The following ENTPD7 variants were observed in gnomAD, a reference collection of about 807,000 sequenced individuals.
ENTPD7 encodes NTPDase 7.
Under a neutral mutation model 77.9 loss-of-function variants are expected in ENTPD7, and 53 were observed. The ratio of observed to expected loss-of-function variants is 0.68; its 90% CI spans 0.55 to 0.85. The LOEUF (loss-of-function observed/expected upper bound fraction) is 0.85, where lower values mean the gene tolerates loss of function less well. Among genes scored for constraint, ENTPD7 ranks in the 40% least tolerant of loss-of-function variants. ENTPD7 has a pLI of 0.00. For missense variants in ENTPD7, 636 were observed against 743.7 expected (o/e 0.86, Z 1.68); for synonymous variants, 248 against 274.9 (o/e 0.90, Z 0.97).
chr10:99,702,117 C>T (rs774790006), intron 11 of ENTPD7, among the ~76,000 whole-genome samples: 1 of 152,254 alleles, frequency 6.6e-6, no homozygotes, highest in South Asian at 2.1e-4. Flanking sequence ...GTGTACCTGT[C>T]ACCCTGCTTT....
Position 99,659,540 on chromosome 10 carries a change from C to G in ENTPD7, c.-144C>G, listed in dbSNP as rs997399684. 8 of 159,316 alleles carry G rather than the reference C, an allele frequency of 5.0e-5. No homozygotes were observed. The highest frequency in any genetic ancestry group is 1.9e-4 in the African/African-American group (8 of 41,670). 9.9% of individuals were successfully genotyped at this position (159,316 alleles called of 1,614,324 possible). ...GGGCAAGGGGCCGCGGGGAGCAGCT[C>G]GGGACTGAACCGAGAGGTGCCGAAG... On this transcript the variant is annotated 5_prime_UTR_variant, in exon 1 of 13. Transcript: ENST00000370489. This position sits in a 1 kb window ranked among gnomAD's most constrained non-coding sequence, Gnocchi z 4.1.
chr10:99,710,349 A>G lies in ENTPD7; in HGVS notation c.*5666A>G. On this transcript the variant is annotated 3_prime_UTR_variant, in exon 13 of 13. Transcript: ENST00000370489. Reference sequence around the variant, plus strand: ...AATTCTCATTCCACAATTACCCTTTAGTTGAAGTCCTGAAGTACATGCCAT... The same window carrying G: ...AATTCTCATTCCACAATTACCCTTTGGTTGAAGTCCTGAAGTACATGCCAT... 1 of 985,402 alleles carries G rather than the reference A, an allele frequency of 1.0e-6. No homozygotes were observed. Among genetic ancestry groups the G allele is most frequent in the Non-Finnish European group, 1.2e-6 (1 of 829,926 alleles). The allele number at this position is 985,402 out of a possible 1,614,324, so 61.0% of individuals were successfully genotyped here. A position where few individuals can be genotyped will look rare whatever the true frequency, so the allele number is the denominator to read the frequency against.
intron 3 of ENTPD7, among the ~76,000 whole-genome samples, chr10:99,678,484 A>G (rs527409223): frequency 6.6e-6 from 1 of 151,084 alleles, no homozygotes; most frequent in East Asian, 1.9e-4. Context: ...AGAAAAAAGA[A>G]AAAAAAAGAT....
chr10:99,680,856 C>T (rs984181037), intron 5 of ENTPD7, among the ~76,000 whole-genome samples: 4 of 152,178 alleles, frequency 2.6e-5, no homozygotes, highest in African/African-American at 7.2e-5. Flanking sequence ...GGATTTCAAG[C>T]GTCAGCTACC....
chr10:99,699,797 C>T lies in ENTPD7; in HGVS notation c.1335+939C>T, dbSNP rs12261365. On this transcript the variant is annotated intron_variant, in intron 10 of 12. Transcript: ENST00000370489. ...GCCAGGCTGGTTTGGAACTCCTGGC[C>T]TCAGGTGATCTGCCCGCCTTGGCCC... is the stretch of plus-strand genomic sequence containing the variant. Among the ~76,000 whole-genome samples, 966 of 152,238 alleles carry T rather than the reference C, an allele frequency of 6.3e-3. 10 individuals carry two copies. Among genetic ancestry groups the T allele is most frequent in the African/African-American group, 0.022 (894 of 41,526 alleles).
intron 6 of ENTPD7, among the ~76,000 whole-genome samples, chr10:99,686,111 T>A (rs1294018568): frequency 6.6e-6 from 1 of 152,202 alleles, no homozygotes; most frequent in Non-Finnish European, 1.5e-5. Flanking sequence ...ATATCTCTTT[T>A]TAACTTAGTA....
chr10:99,678,818 GA>G (rs1368493239), intron 3 of ENTPD7, among the ~76,000 whole-genome samples: 1 of 147,094 alleles, frequency 6.8e-6, no homozygotes, highest in Non-Finnish European at 1.5e-5. Context: ...CATTAAATGA[GA>G]AATCATTCCA....
In ENTPD7 at chr10:99,679,895, A is replaced by G. The variant is rs369220181; in HGVS notation, c.548+20A>G. 2.5e-6 allele frequency: 4 copies of G among 1,596,444 alleles called. No individual in the cohort carries two copies. Among genetic ancestry groups the G allele is most frequent in the Non-Finnish European group, 3.4e-6 (4 of 1,173,672 alleles). On this transcript the variant is annotated intron_variant, in intron 5 of 12. Coordinates refer to ENST00000370489, the MANE Select transcript of ENTPD7 (RefSeq NM_020354.5). ...TGAGAGGTGAGATGCAGGGTACAGG[A>G]AACACAGGAAAACGGTGGCACAAGA...
rs1029712128 is a variant in ENTPD7, at chr10:99,706,376, C to G, written c.*1693C>G. 2.0e-5 allele frequency: 3 copies of G among 151,984 alleles called. No homozygotes were observed. Among genetic ancestry groups the G allele is most frequent in the Admixed American group, 2.0e-4 (3 of 15,236 alleles). The allele number at this position is 151,984 out of a possible 1,614,324, so 9.4% of individuals were successfully genotyped here. ...GGAGACAGGGCCTCACGCTGTCACCCAGGCTGGAGTGCAGTTGTGCAACAT... is the reference window on the plus strand; with the variant it reads ...GGAGACAGGGCCTCACGCTGTCACCGAGGCTGGAGTGCAGTTGTGCAACAT... On this transcript the variant is annotated 3_prime_UTR_variant, in exon 13 of 13. Coordinates refer to ENST00000370489, the MANE Select transcript of ENTPD7 (RefSeq NM_020354.5).
In ENTPD7 at chr10:99,696,801, C is replaced by T. The variant is rs180927967; in HGVS notation, c.1010+679C>T. On this transcript the variant is annotated intron_variant, in intron 9 of 12. Coordinates refer to ENST00000370489, the MANE Select transcript of ENTPD7 (RefSeq NM_020354.5). ...AAGAGAAAGCAGAGTTCTTTTCCAT[C>T]ATTAAATTTACACAAAATTTTGGAA... Among the ~76,000 whole-genome samples the T allele has an allele frequency of 3.1e-3, 465 of 152,268 alleles. 6 individuals are homozygous for T. Among genetic ancestry groups the T allele is most frequent in the Non-Finnish European group, 4.9e-4 (33 of 68,024 alleles).
chr10:99,702,801 C>G (rs564400345), intron 12 of ENTPD7, 128 bp downstream of exon 12: 2 of 810,716 alleles, frequency 2.5e-6, no homozygotes, highest in Middle Eastern at 3.9e-4. Flanking sequence ...CTCTCTACCC[C>G]CTCACAAAAA....
At position 99,706,365 on chromosome 10, in the gene ENTPD7, A is replaced by T. The variant is rs963843691; in HGVS notation, c.*1682A>T. ...TTTTTTTTCTTGGAGACAGGGCCTC[A>T]CGCTGTCACCCAGGCTGGAGTGCAG... is the stretch of plus-strand genomic sequence containing the variant. On this transcript the variant is annotated 3_prime_UTR_variant, in exon 13 of 13. Transcript: ENST00000370489. 6.6e-6 allele frequency: 1 copy of T among 151,334 alleles called. No individual in the cohort carries two copies. Among genetic ancestry groups the T allele is most frequent in the Non-Finnish European group, 1.5e-5 (1 of 67,894 alleles). The allele number at this position is 151,334 out of a possible 1,614,324, so 9.4% of individuals were successfully genotyped here.
At chr10:99,661,740 G>C in intron 3 of ENTPD7, 112 bp downstream of exon 3, 4 of 927,708 alleles carry the variant, frequency 4.3e-6, no homozygotes, top group Non-Finnish European at 6.0e-6. Context: ...TAGTAAAATT[G>C]CATGCCATTT....
chr10:99,661,486 A>C lies in ENTPD7; in HGVS notation c.49A>C (p.Thr17Pro), dbSNP rs1204367405. Residue 17 changes from threonine (T) to proline (P), a missense_variant, in exon 3 of 13, where the codon ACT (threonine) becomes CCT (proline). Thr to Pro is a conservative substitution (Grantham distance 38). This residue lies in a region of ENTPD7 where 486 missense variants were observed against 556.5 expected (regional missense o/e 0.87). Coordinates refer to ENST00000370489, the MANE Select transcript of ENTPD7 (RefSeq NM_020354.5). ...SYLCPASWYF[T>P]VPTVSPFLRQ... is the part of the protein sequence containing the mutation. Reference sequence around the variant, plus strand: ...CCTCTGCCCAGCCTCCTGGTACTTCACTGTGCCCACAGTGAGTCCATTTCT... The same window carrying C: ...CCTCTGCCCAGCCTCCTGGTACTTCCCTGTGCCCACAGTGAGTCCATTTCT... The C allele has an allele frequency of 6.2e-7, 1 of 1,612,690 alleles. No individual in the cohort carries two copies.
Position 99,698,643 on chromosome 10 carries a change from C to A in ENTPD7, c.1120C>A (p.Arg374=). ...GAGGAACAGCCAAGTCTTACATGTCCGAGGAAGAGGAGACTGGGTGTCTTG... is the reference window on the plus strand; with the variant it reads ...GAGGAACAGCCAAGTCTTACATGTCAGAGGAAGAGGAGACTGGGTGTCTTG... ...VERNSQVLHV[R]GRGDWVSCGA... Residue 374 remains arginine, a synonymous_variant, in exon 10 of 13, where the codon CGA becomes AGA. Transcript: ENST00000370489. 7 of 1,614,140 alleles carry A rather than the reference C, an allele frequency of 4.3e-6. No individual in the cohort carries two copies. The highest frequency in any genetic ancestry group is 5.9e-6 in the Non-Finnish European group (7 of 1,180,028).
intron 7 of ENTPD7, among the ~76,000 whole-genome samples, chr10:99,689,399 A>G (rs149049956): frequency 2.6e-5 from 4 of 152,276 alleles, no homozygotes; most frequent in African/African-American, 9.6e-5. Context: ...CTGCCTTTAA[A>G]AGCAAGAAAA....
chr10:99,703,768 T>G (rs1303663959), intron 12 of ENTPD7, among the ~76,000 whole-genome samples: 1 of 152,158 alleles, frequency 6.6e-6, no homozygotes, highest in Non-Finnish European at 1.5e-5. Flanking sequence ...CCAGGCTGAG[T>G]GTGGTGGCAG....
At chr10:99,686,916 C>CTTTTT (rs11325544) in intron 6 of ENTPD7, among the ~76,000 whole-genome samples, 1 of 98,096 alleles carries the variant, frequency 1.0e-5, no homozygotes, top group Non-Finnish European at 2.2e-5. Context: ...GGCTGTGAAT[C>CTTTTT]TTTTTTTTTT....
At chr10:99,701,430 G>T (rs1190123049) in intron 11 of ENTPD7, among the ~76,000 whole-genome samples, 1 of 151,722 alleles carries the variant, frequency 6.6e-6, no homozygotes. Flanking sequence ...TGGGACTATA[G>T]GCACGTGCCA....
Sources: allele counts gnomAD v4.1 joint callset (sites outside exome capture counted in the v4.1 genomes callset), GRCh38; gene constraint gnomAD v4.1.1; regional missense constraint gnomAD v4.1.1; non-coding constraint Gnocchi (gnomAD v3.1); transcripts MANE v1.5; gene names NCBI Gene and HGNC (gene_info 2026-07-23, HGNC 2026-07-21).